The following ANKIB1 variants were observed in gnomAD, a reference collection of about 807,000 sequenced individuals.
ANKIB1 encodes ankyrin repeat and IBR domain-containing protein 1.
Under a neutral mutation model 122.1 loss-of-function variants are expected in ANKIB1, and 43 were observed. That is an observed-to-expected ratio of 0.35 (90% CI 0.28 to 0.45). The LOEUF is 0.45. Ranked by LOEUF, ANKIB1 falls within the 20% of genes least tolerant of loss-of-function variation. ANKIB1 has a pLI of 1.00. For missense variants in ANKIB1, 992 were observed against 1,329.5 expected (o/e 0.75, Z 3.95); for synonymous variants, 390 against 442.0 (o/e 0.88, Z 1.48).
intron 1 of ANKIB1, among the ~76,000 whole-genome samples, chr7:92,268,507 CCACT>C (rs1333835501): frequency 6.6e-6 from 1 of 152,140 alleles, no homozygotes; most frequent in Non-Finnish European, 1.5e-5. Context: ...GACAGGCCCT[CCACT>C]CTGTCGCCCA....
Position 92,330,462 on chromosome 7 carries a change from T to C in ANKIB1, c.787+2562T>C, listed in dbSNP as rs1393398153. On this transcript the variant is annotated intron_variant, in intron 5 of 19. Transcript: ENST00000265742. ...AAAATTACATTTTTTATTGCCATGT[T>C]TATAAACTTCAAAGTAAATTCTATA... is the stretch of plus-strand genomic sequence containing the variant. 3.9e-5 allele frequency among the ~76,000 whole-genome samples: 6 copies of C among 152,318 alleles called. 1 individual carries two copies. Among genetic ancestry groups the C allele is most frequent in the African/African-American group, 1.4e-4 (6 of 41,576 alleles).
rs1804957490 is a variant in ANKIB1, at chr7:92,398,853, T to C, written c.3174T>C (p.Ser1058=). ...AGEAASQAGD[S]GNEAANRGDG... ...AAGCAGCATCTCAAGCTGGTGACAG[T>C]GGTAACGAGGCAGCCAACAGAGGAG... The change falls in exon 20 of 20, where the codon AGT becomes AGC. Residue 1058 remains serine, a synonymous_variant. Coordinates refer to ENST00000265742, the MANE Select transcript of ANKIB1 (RefSeq NM_019004.2). 6.2e-7 allele frequency: 1 copy of C among 1,604,874 alleles called. No individual in the cohort carries two copies. The highest frequency in any genetic ancestry group is 1.1e-5 in the South Asian group (1 of 89,588).
chr7:92,392,266 G>A lies in ANKIB1; in HGVS notation c.2257G>A (p.Glu753Lys). 3.1e-6 allele frequency: 5 copies of A among 1,610,602 alleles called. No homozygotes were observed. The highest frequency in any genetic ancestry group is 4.2e-6 in the Non-Finnish European group (5 of 1,178,132). ...RSFAGGTWDW[E>K]YLGFASPEEY... The stretch of plus-strand genomic sequence containing the variant: ...CTTTGCTGGTGGAACATGGGATTGG[G>A]AATATTTAGGATTTGCATCACCAGA... Residue 753 changes from glutamate (E) to lysine (K), a missense_variant, in exon 17 of 20, where the codon GAA becomes AAA. Transcript: ENST00000265742.
intron 5 of ANKIB1, among the ~76,000 whole-genome samples, chr7:92,340,933 A>G (rs900089120): frequency 6.6e-6 from 1 of 152,206 alleles, no homozygotes; most frequent in Non-Finnish European, 1.5e-5. Flanking sequence ...CTATAAGTTT[A>G]TAAATGTTTA....
At chr7:92,338,058 A>G (rs1277206502) in intron 5 of ANKIB1, among the ~76,000 whole-genome samples, 1 of 152,138 alleles carries the variant, frequency 6.6e-6, no homozygotes, top group Non-Finnish European at 1.5e-5. Flanking sequence ...AGTTTAGGCA[A>G]GAAATAGGAA....
intron 14 of ANKIB1, among the ~76,000 whole-genome samples, chr7:92,388,892 T>A (rs1356691720): frequency 2.0e-5 from 3 of 152,190 alleles, no homozygotes; most frequent in Non-Finnish European, 4.4e-5. Context: ...GTTCTTAGAC[T>A]TCATTAATGA....
intron 12 of ANKIB1, 76 bp downstream of exon 12, chr7:92,386,719 C>A: frequency 7.8e-7 from 1 of 1,282,082 alleles, no homozygotes; most frequent in South Asian, 2.3e-5. Flanking sequence ...ATTTCTTTTT[C>A]TATTTTCATC....
At chr7:92,345,685 T>C (rs1803522714) in intron 7 of ANKIB1, among the ~76,000 whole-genome samples, 1 of 152,212 alleles carries the variant, frequency 6.6e-6, no homozygotes. Flanking sequence ...ATTGCTATAA[T>C]GAGCACTGTA....
Position 92,246,506 on chromosome 7 carries a change from C to G in ANKIB1, c.-104C>G, listed in dbSNP as rs1383761941. 1.9e-6 allele frequency: 1 copy of G among 518,342 alleles called. No individual in the cohort carries two copies. Among genetic ancestry groups the G allele is most frequent in the African/African-American group, 1.9e-5 (1 of 51,956 alleles). The allele number at this position is 518,342 out of a possible 1,614,324, so 32.1% of individuals were successfully genotyped here. A position where few individuals can be genotyped will look rare whatever the true frequency, so the allele number is the denominator to read the frequency against. ...TGGGTCCACCGACCCTTACCCTCAG[C>G]GAGAGAAGTAACCGTAAGTCTCAGC... On this transcript the variant is annotated 5_prime_UTR_variant, in exon 1 of 20. Transcript: ENST00000265742.
At chr7:92,270,728 G>GTTTTTTTTTTTTTTTTTTTTTTTTTTTT (rs397889266) in intron 1 of ANKIB1, among the ~76,000 whole-genome samples, 1 of 81,982 alleles carries the variant, frequency 1.2e-5, no homozygotes, top group Non-Finnish European at 2.3e-5. Flanking sequence ...CATCGCTATA[G>GTTTTTTTTTTTTTTTTTTTTTTTTTTTT]TTTTTTTTTT....
At chr7:92,259,786 G>A (rs1801521736) in intron 1 of ANKIB1, among the ~76,000 whole-genome samples, 2 of 152,200 alleles carry the variant, frequency 1.3e-5, no homozygotes, top group South Asian at 4.2e-4. Context: ...TCTCAGTAGT[G>A]GTAACCCCTT....
At chr7:92,324,679 A>C (rs1048959703) in intron 4 of ANKIB1, among the ~76,000 whole-genome samples, 9 of 152,212 alleles carry the variant, frequency 5.9e-5, no homozygotes, top group African/African-American at 2.2e-4. Flanking sequence ...CATATGTTTA[A>C]CTACTTTTAA....
intron 1 of ANKIB1, among the ~76,000 whole-genome samples, chr7:92,250,821 A>C (rs1354030187): frequency 6.6e-6 from 1 of 152,200 alleles, no homozygotes; most frequent in African/African-American, 2.4e-5. Context: ...TTTTTAAAAC[A>C]TGGTTTTTCA....
rs201886464 is a variant in ANKIB1 at position 92,386,641 on chromosome 7, G to A, written c.1750G>A (p.Glu584Lys). 4.6e-5 allele frequency: 74 copies of A among 1,595,204 alleles called. No homozygotes were observed. Among genetic ancestry groups the A allele is most frequent in the Non-Finnish European group, 6.1e-5 (72 of 1,172,204 alleles). The change falls in exon 12 of 20, where the codon GAG becomes AAG. Residue 584 changes from glutamate (E) to lysine (K), a missense_variant and splice_region_variant. Glu to Lys is a moderately conservative substitution (Grantham distance 56). Around this residue, in one of 4 missense-constraint regions of ANKIB1, gnomAD observed 521 missense variants for 777.7 expected, o/e 0.67. Coordinates refer to ENST00000265742, the MANE Select transcript of ANKIB1 (RefSeq NM_019004.2). ...VEEQSKEMTV[E>K]AEKKHKRFQE... is the part of the protein sequence containing the mutation. ...GGAGCAATCCAAGGAAATGACTGTGGAGGTAAAGAGAACCAATTAAGCCAA... is the reference window on the plus strand; with the variant it reads ...GGAGCAATCCAAGGAAATGACTGTGAAGGTAAAGAGAACCAATTAAGCCAA...
intron 11 of ANKIB1, among the ~76,000 whole-genome samples, chr7:92,376,513 A>G (rs1356584166): frequency 6.8e-6 from 1 of 147,852 alleles, no homozygotes; most frequent in Non-Finnish European, 1.5e-5. Context: ...GCAATGGTGG[A>G]TCTCAGCTCA....
intron 1 of ANKIB1, among the ~76,000 whole-genome samples, chr7:92,248,835 C>G (rs1022135080): frequency 1.3e-5 from 2 of 151,586 alleles, no homozygotes; most frequent in South Asian, 4.2e-4. Flanking sequence ...TTTCAGATAA[C>G]CTCAGACTGC....
chr7:92,320,736 T>C (rs1328643096), intron 4 of ANKIB1, among the ~76,000 whole-genome samples: 1 of 152,210 alleles, frequency 6.6e-6, no homozygotes, highest in Non-Finnish European at 1.5e-5. Context: ...AATAGTTTCC[T>C]TACTGGTCTT....
rs538242807 is a variant in ANKIB1, at chr7:92,338,255, TA to T, written c.788-4754del. 5.6e-3 allele frequency among the ~76,000 whole-genome samples: 769 copies of T among 137,096 alleles called. 1 individual carries two copies. Among genetic ancestry groups the T allele is most frequent in the Middle Eastern group, 7.5e-3 (2 of 268 alleles). The allele number at this position is 137,096 out of a possible 152,430, so 89.9% of individuals were successfully genotyped here. On this transcript the variant is annotated intron_variant, in intron 5 of 19. Coordinates refer to ENST00000265742, the MANE Select transcript of ANKIB1 (RefSeq NM_019004.2). Reference sequence around the variant, plus strand: ...TGAGACCTTGTCTCTACAAAAAAATTAAAAAAAAAAAAAAATCTGGGCATGG... The same window carrying T: ...TGAGACCTTGTCTCTACAAAAAAATTAAAAAAAAAAAAAATCTGGGCATGG...
At chr7:92,259,142 G>A (rs1801509302) in intron 1 of ANKIB1, among the ~76,000 whole-genome samples, 1 of 152,106 alleles carries the variant, frequency 6.6e-6, no homozygotes, top group Non-Finnish European at 1.5e-5. Flanking sequence ...TTTTGGTGGA[G>A]ATGAGGTTTT....
Sources: allele counts gnomAD v4.1 joint callset (sites outside exome capture counted in the v4.1 genomes callset), GRCh38; gene constraint gnomAD v4.1.1; regional missense constraint gnomAD v4.1.1; transcripts MANE v1.5; gene names NCBI Gene and HGNC (gene_info 2026-07-23, HGNC 2026-07-21).